The following TRIM5 variants were observed in gnomAD, a reference collection of about 807,000 sequenced individuals.
The protein encoded by TRIM5 is tripartite motif containing 5.
TRIM5 carries 31 observed loss-of-function variants against 35.6 expected under a neutral mutation model. The ratio of observed to expected loss-of-function variants is 0.87; its 90% CI spans 0.65 to 1.18. The LOEUF is 1.18. Ranked by LOEUF, TRIM5 falls within the 50% of genes most tolerant of loss-of-function variation. TRIM5 has a pLI of 0.00. For synonymous variants in TRIM5, 243 were observed against 215.6 expected, an observed-to-expected ratio of 1.13 and a Z score of -1.11; for missense variants, 609 against 591.6, an observed-to-expected ratio of 1.03 and a Z score of -0.31.
the TRIM5 span, among the ~76,000 whole-genome samples, chr11:5,637,100 G>A: frequency 6.6e-6 from 1 of 152,204 alleles, no homozygotes; most frequent in African/African-American, 2.4e-5. Flanking sequence ...GTGAACCCAG[G>A]AGGCGGAGCT....
At chr11:5,604,863 G>A in the TRIM5 span, 1 of 487,052 alleles carries the variant, frequency 2.1e-6, no homozygotes, top group Non-Finnish European at 3.6e-6. Context: ...CCATGGCTAG[G>A]GGTCGCCCCA....
chr11:5,660,184 C>T (rs542040553), downstream of TRIM5, among the ~76,000 whole-genome samples: 13 of 152,284 alleles, frequency 8.5e-5, no homozygotes, highest in South Asian at 2.7e-3. Context: ...ACCATATTGG[C>T]CTAGCTGGTC....
Position 5,680,198 on chromosome 11 carries a change from T to C in TRIM5, c.-21A>G, listed in dbSNP as rs751441768. ...GCCATAGTAGCTATTCCACTGCTCCTGCCTGTCCTGGCTGCTGAGGTTCCT... is the reference window on the plus strand; with the variant it reads ...GCCATAGTAGCTATTCCACTGCTCCCGCCTGTCCTGGCTGCTGAGGTTCCT... On this transcript the variant is annotated 5_prime_UTR_variant, in exon 2 of 8. Transcript: ENST00000380034. 7.7e-6 allele frequency: 12 copies of C among 1,566,560 alleles called. No homozygotes were observed. In the South Asian group the frequency reaches 1.1e-4, roughly 14 times the overall value.
the TRIM5 span, chr11:5,634,940 A>C: frequency 6.7e-7 from 1 of 1,486,152 alleles, no homozygotes; most frequent in Non-Finnish European, 9.0e-7. Context: ...TGGTGGTGAC[A>C]CTAAGGGGTT....
chr11:5,594,158 T>C, the TRIM5 span, among the ~76,000 whole-genome samples: 7 of 152,224 alleles, frequency 4.6e-5, no homozygotes, highest in Non-Finnish European at 8.8e-5. Context: ...CCTTGAATTA[T>C]TGCCAAGTAC....
the TRIM5 span, among the ~76,000 whole-genome samples, chr11:5,637,483 G>C: frequency 1.3e-5 from 2 of 152,182 alleles, no homozygotes; most frequent in Non-Finnish European, 2.9e-5. Context: ...AATGCTTTCT[G>C]TAATAGTTTT....
the TRIM5 span, chr11:5,645,667 A>T: frequency 6.3e-6 from 1 of 159,030 alleles, no homozygotes; most frequent in African/African-American, 2.4e-5. Flanking sequence ...AATCAGGAAG[A>T]AAAAAAGACA....
chr11:5,648,823 T>TA, the TRIM5 span, among the ~76,000 whole-genome samples: 13 of 152,248 alleles, frequency 8.5e-5, no homozygotes, highest in African/African-American at 3.1e-4. Flanking sequence ...TGAAATGTTT[T>TA]AAAACGTTAA....
chr11:5,610,923 T>G, the TRIM5 span: 147 of 1,614,094 alleles, frequency 9.1e-5, no homozygotes, highest in Middle Eastern at 1.6e-4. Context: ...CTCCCAGCAC[T>G]TCTCCTCTGG....
the TRIM5 span, chr11:5,588,789 T>TG: frequency 1.0e-3 from 156 of 151,860 alleles, no homozygotes; most frequent in African/African-American, 3.7e-3. Context: ...CAGATTTTTT[T>TG]TTTTTCTTTT....
chr11:5,671,313 A>AAC (rs35155579), intron 4 of TRIM5, among the ~76,000 whole-genome samples: 14,650 of 144,076 alleles, frequency 0.1, 782 homozygotes, highest in African/African-American at 0.14. Context: ...TTAAAAAAAA[A>AAC]ACACAAAAAA....
At chr11:5,627,963 A>C in the TRIM5 span, among the ~76,000 whole-genome samples, 1 of 152,244 alleles carries the variant, frequency 6.6e-6, no homozygotes, top group African/African-American at 2.4e-5. Flanking sequence ...GAGAAGACTC[A>C]AATGAAGGGT....
chr11:5,667,737 T>C, intron 4 of TRIM5, 26 bp from the exon 5 acceptor site: 2 of 1,612,462 alleles, frequency 1.2e-6, no homozygotes, highest in Non-Finnish European at 1.7e-6. Flanking sequence ...AAAACATCAA[T>C]TAAGAAAGAA....
At chr11:5,637,935 A>G in the TRIM5 span, among the ~76,000 whole-genome samples, 4 of 152,302 alleles carry the variant, frequency 2.6e-5, no homozygotes, top group African/African-American at 9.6e-5. Context: ...GTCAATATCC[A>G]TTCCCCATTT....
the TRIM5 span, among the ~76,000 whole-genome samples, chr11:5,598,399 G>A: frequency 5.3e-5 from 8 of 152,176 alleles, no homozygotes; most frequent in African/African-American, 1.7e-4. Context: ...TGTCTAAAGA[G>A]AGTATTAGAT....
the TRIM5 span, chr11:5,590,115 C>T: frequency 1.9e-4 from 29 of 155,520 alleles, no homozygotes; most frequent in East Asian, 2.6e-3. Context: ...TGCCTTCCTG[C>T]GGGGCAGGCC....
chr11:5,658,474 C>T (rs1850704752), downstream of TRIM5, among the ~76,000 whole-genome samples: 1 of 152,230 alleles, frequency 6.6e-6, no homozygotes, highest in Non-Finnish European at 1.5e-5. Context: ...ACAGAAAGCC[C>T]TCTGTCCTTG....
the TRIM5 span, among the ~76,000 whole-genome samples, chr11:5,629,770 C>T: frequency 1.3e-5 from 2 of 152,140 alleles, no homozygotes; most frequent in Non-Finnish European, 1.5e-5. Flanking sequence ...TGCAGTGGTG[C>T]GATCTCGGCT....
At chr11:5,611,013 T>G in the TRIM5 span, 3 of 1,614,142 alleles carry the variant, frequency 1.9e-6, no homozygotes, top group East Asian at 6.7e-5. Context: ...GGGACCTACA[T>G]TCTCTTTCAA....
Sources: allele counts gnomAD v4.1 joint callset (sites outside exome capture counted in the v4.1 genomes callset), GRCh38; gene constraint gnomAD v4.1.1; transcripts MANE v1.5; gene names NCBI Gene and HGNC (gene_info 2026-07-23, HGNC 2026-07-21).